PDE3B: variants seen among roughly 807,000 people sequenced by gnomAD.
The protein encoded by PDE3B is phosphodiesterase 3B.
A neutral mutation model predicts 116.8 loss-of-function variants in PDE3B; 66 were observed. The ratio of observed to expected loss-of-function variants is 0.56; its 90% CI spans 0.46 to 0.69. The LOEUF is 0.69. Ranked by LOEUF, PDE3B falls within the 30% of genes least tolerant of loss-of-function variation. PDE3B has a pLI of 0.00. For synonymous variants in PDE3B, 595 were observed against 533.6 expected, an observed-to-expected ratio of 1.12 and a Z score of -1.59; for missense variants, 1,384 against 1,368.1, an observed-to-expected ratio of 1.01 and a Z score of -0.18.
At chr11:14,888,507 C>T in the PDE3B span, among the ~76,000 whole-genome samples, 1 of 152,174 alleles carries the variant, frequency 6.6e-6, no homozygotes, top group African/African-American at 2.4e-5. Flanking sequence ...TGGAAGGCTT[C>T]CTTTGACTGC....
the PDE3B span, chr11:14,891,855 G>A: frequency 1.4e-6 from 2 of 1,408,674 alleles, no homozygotes; most frequent in East Asian, 2.5e-5. Context: ...CCCTCAAAGG[G>A]CAGCCGGCAC....
At chr11:14,880,301 C>G in the PDE3B span, 2 of 1,613,064 alleles carry the variant, frequency 1.2e-6, no homozygotes, top group African/African-American at 2.7e-5. Flanking sequence ...TCTAAATAAG[C>G]ATCAACAAAA....
the PDE3B span, chr11:14,890,973 G>A: frequency 1.0e-6 from 1 of 985,302 alleles, no homozygotes; most frequent in African/African-American, 1.7e-5. Flanking sequence ...GGCCGATAAT[G>A]AGATTAGTTT....
downstream of PDE3B, among the ~76,000 whole-genome samples, chr11:14,872,746 T>G (rs1474149795): frequency 1.1e-4 from 16 of 152,182 alleles, no homozygotes; most frequent in Admixed American, 9.8e-4. Context: ...GTCAACCCTA[T>G]GGAACCTGCA....
At chr11:14,872,773 CCT>C (rs370720219), downstream of PDE3B, among the ~76,000 whole-genome samples, 5 of 152,206 alleles carry the variant, frequency 3.3e-5, no homozygotes, top group East Asian at 7.7e-4. Flanking sequence ...AAAAGTTGGC[CCT>C]CTCTATACAA....
intron 1 of PDE3B, among the ~76,000 whole-genome samples, chr11:14,648,562 T>C (rs949745061): frequency 3.3e-5 from 5 of 152,088 alleles, no homozygotes; most frequent in African/African-American, 9.7e-5. Flanking sequence ...AATATCAGCC[T>C]ACATAATAAT....
At chr11:14,799,724 T>G (rs1858683154) in intron 4 of PDE3B, among the ~76,000 whole-genome samples, 1 of 151,974 alleles carries the variant, frequency 6.6e-6, no homozygotes, top group African/African-American at 2.4e-5. Context: ...GTTTAAAGTC[T>G]GTTTTATCAG....
chr11:14,868,436 G>A (rs952514564), intron 15 of PDE3B, among the ~76,000 whole-genome samples: 3 of 152,124 alleles, frequency 2.0e-5, no homozygotes, highest in African/African-American at 7.2e-5. Context: ...CAAAACAGTG[G>A]GGGGGAGGGG....
intron 5 of PDE3B, among the ~76,000 whole-genome samples, chr11:14,813,659 G>T (rs1238963501): frequency 6.6e-6 from 1 of 152,132 alleles, no homozygotes; most frequent in African/African-American, 2.4e-5. Context: ...TAACATATAG[G>T]TTCTGTGGTT....
chr11:14,780,277 A>T (rs1033374288), intron 2 of PDE3B, among the ~76,000 whole-genome samples: 12 of 152,208 alleles, frequency 7.9e-5, no homozygotes, highest in Non-Finnish European at 1.8e-4. Context: ...GTTCACAAGG[A>T]TATCCAAGAA....
At chr11:14,837,789 A>G (rs1172305150) in intron 11 of PDE3B, among the ~76,000 whole-genome samples, 1 of 152,166 alleles carries the variant, frequency 6.6e-6, no homozygotes, top group Non-Finnish European at 1.5e-5. Context: ...GAAACCAAAT[A>G]GCTATTGCAA....
At chr11:14,898,190 C>T in the PDE3B span, among the ~76,000 whole-genome samples, 3 of 150,986 alleles carry the variant, frequency 2.0e-5, no homozygotes, top group South Asian at 2.1e-4. Flanking sequence ...GTGGATTCAT[C>T]GGACAACCAC....
chr11:14,740,309 T>G (rs1230400648), intron 1 of PDE3B, among the ~76,000 whole-genome samples: 1 of 152,192 alleles, frequency 6.6e-6, no homozygotes. Flanking sequence ...AGGATTTGAC[T>G]TCTTCCTGGT....
In PDE3B at chr11:14,644,678, G is replaced by A; in HGVS notation, c.603G>A (p.Leu201=). The change falls in exon 1 of 16, where the codon CTG becomes CTA. Residue 201 remains leucine (L), a synonymous_variant. Transcript: ENST00000282096. ...CAGCGGGCAGGTTGCTGCTGGTGCT[G>A]AGCTGCGTAGGGCTGCTGCTGACGC... The part of the protein sequence containing the change: ...EAAAGRLLLV[L]SCVGLLLTLA... The A allele has an allele frequency of 1.3e-6, 2 of 1,506,086 alleles. No homozygotes were observed. The highest frequency in any genetic ancestry group is 1.8e-6 in the Non-Finnish European group (2 of 1,130,580). 93.3% of individuals were successfully genotyped at this position (1,506,086 alleles called of 1,614,324 possible).
At chr11:14,868,337 T>G (rs1848085291) in intron 15 of PDE3B, among the ~76,000 whole-genome samples, 1 of 152,004 alleles carries the variant, frequency 6.6e-6, no homozygotes, top group African/African-American at 2.4e-5. Context: ...TTTTCACACA[T>G]CTCACCCCCA....
intron 4 of PDE3B, among the ~76,000 whole-genome samples, chr11:14,796,186 C>G (rs1011529285): frequency 3.3e-5 from 5 of 152,162 alleles, no homozygotes; most frequent in Admixed American, 1.3e-4. Context: ...TCATCCATGT[C>G]CCTGCAAAGG....
At position 14,844,726 on chromosome 11, in the gene PDE3B, G is replaced by A. The variant is rs564853478; in HGVS notation, c.2520+700G>A. Among the ~76,000 whole-genome samples the A allele has an allele frequency of 1.7e-4, 26 of 152,312 alleles. No individual in the cohort carries two copies. The South Asian group carries it at 3.7e-3, about 22-fold the overall frequency. ...GAGGGTCCTATGGCCACGGAGTCTC[G>A]CTGATTGCTAGCACAGCAGTCTGAG... is the stretch of plus-strand genomic sequence containing the variant. On this transcript the variant is annotated intron_variant, in intron 12 of 15. Coordinates refer to ENST00000282096, the MANE Select transcript of PDE3B (RefSeq NM_000922.4).
At chr11:14,840,837 C>A (rs1860197765) in intron 11 of PDE3B, among the ~76,000 whole-genome samples, 1 of 152,066 alleles carries the variant, frequency 6.6e-6, no homozygotes, top group Non-Finnish European at 1.5e-5. Flanking sequence ...TGCTTTGGGA[C>A]TTAGAAGGAA....
In PDE3B at chr11:14,841,115, G is replaced by A. The variant is rs539055236; in HGVS notation, c.2321-2712G>A. On this transcript the variant is annotated intron_variant, in intron 11 of 15. Coordinates refer to ENST00000282096, the MANE Select transcript of PDE3B (RefSeq NM_000922.4). ...AAAGCAGATAACCCTCCATAAGGTC[G>A]GTGGGCCTCATCCAGTCAGTTGAAG... is the stretch of plus-strand genomic sequence containing the variant. Among the ~76,000 whole-genome samples the A allele has an allele frequency of 4.6e-5, 7 of 151,874 alleles. No homozygotes were observed. The East Asian group carries it at 9.7e-4, about 21-fold the overall frequency.
Sources: gnomAD v4.1 joint callset for allele counts (sites outside exome capture counted in the v4.1 genomes callset) on GRCh38, gnomAD v4.1.1 for gene constraint, MANE v1.5 for transcripts, NCBI Gene and HGNC (gene_info 2026-07-23, HGNC 2026-07-21) for gene names.